PSMA6: variants seen among roughly 807,000 people sequenced by gnomAD.
PSMA6 encodes proteasome subunit alpha type-6.
For synonymous variants in PSMA6, 88 were observed against 97.7 expected, an observed-to-expected ratio of 0.90 and a Z score of 0.59; for missense variants, 170 against 294.8, an observed-to-expected ratio of 0.58 and a Z score of 3.10.
At chr14:35,312,519 A>G (rs986552170) in intron 4 of PSMA6, among the ~76,000 whole-genome samples, 16 of 67,118 alleles carry the variant, frequency 2.4e-4, no homozygotes, top group African/African-American at 4.9e-4. Flanking sequence ...AAAAAAAAAA[A>G]AAAAAAAAAA....
At chr14:35,310,954 G>A (rs925076442) in intron 4 of PSMA6, 59 bp downstream of exon 4, 2 of 1,512,052 alleles carry the variant, frequency 1.3e-6, no homozygotes, top group Admixed American at 1.9e-5. Context: ...TACAGAACAT[G>A]TATACAGAAT....
At chr14:35,282,486 C>T (rs1245224334) in intron 1 of PSMA6, among the ~76,000 whole-genome samples, 1 of 152,110 alleles carries the variant, frequency 6.6e-6, no homozygotes, top group Non-Finnish European at 1.5e-5. Flanking sequence ...GTCCTGAACT[C>T]CTGGCCTCAA....
intron 1 of PSMA6, among the ~76,000 whole-genome samples, chr14:35,305,439 G>T (rs2051804567): frequency 6.6e-6 from 1 of 152,168 alleles, no homozygotes; most frequent in Admixed American, 6.5e-5. Context: ...CCCAGCTGAG[G>T]ATTTCCTTTA....
intron 1 of PSMA6, among the ~76,000 whole-genome samples, chr14:35,296,418 C>T (rs1166228039): frequency 6.6e-6 from 1 of 152,128 alleles, no homozygotes; most frequent in African/African-American, 2.4e-5. Context: ...GCAACCTCTG[C>T]CTTCTGGGTT....
intron 1 of PSMA6, chr14:35,293,332 A>G (rs1566551883): frequency 8.5e-6 from 2 of 235,900 alleles, no homozygotes; most frequent in East Asian, 2.4e-4. Context: ...ACTATCAGTT[A>G]CTCGGAATAG....
intron 1 of PSMA6, among the ~76,000 whole-genome samples, chr14:35,284,933 C>G (rs142666262): frequency 3.9e-4 from 59 of 152,266 alleles, no homozygotes; most frequent in African/African-American, 1.4e-3. Flanking sequence ...GTTTCAGTGC[C>G]TAAATCTGCT....
chr14:35,304,693 C>T (rs1002173193), intron 1 of PSMA6, among the ~76,000 whole-genome samples: 10 of 149,624 alleles, frequency 6.7e-5, no homozygotes, highest in Non-Finnish European at 1.0e-4. Context: ...CACCACTGCA[C>T]TCCAACCTGG....
chr14:35,285,356 A>AAAC (rs1555335398), intron 1 of PSMA6, among the ~76,000 whole-genome samples: 22 of 6,800 alleles, frequency 3.2e-3, no homozygotes, highest in Non-Finnish European at 0.025. Flanking sequence ...AACAAAAAAC[A>AAAC]AAAAAAAAAA....
chr14:35,304,299 G>A (rs1282214332), intron 1 of PSMA6, among the ~76,000 whole-genome samples: 1 of 152,100 alleles, frequency 6.6e-6, no homozygotes, highest in Non-Finnish European at 1.5e-5. Context: ...CAAGTATACA[G>A]GAGGATATAC....
chr14:35,307,540 C>T (rs1159987561), intron 1 of PSMA6, among the ~76,000 whole-genome samples: 2 of 152,062 alleles, frequency 1.3e-5, no homozygotes, highest in African/African-American at 4.8e-5. Flanking sequence ...TCAAGACTAG[C>T]CTGGCCAACA....
Position 35,285,354 on chromosome 14 carries a change from AC to A in PSMA6, c.19+6637del, listed in dbSNP as rs1427096722. Among the ~76,000 whole-genome samples the A allele has an allele frequency of 2.0e-3, 86 of 42,194 alleles. 2 individuals carry two copies. Among genetic ancestry groups the A allele is most frequent in the African/African-American group, 3.6e-3 (80 of 22,434 alleles). 27.7% of individuals were successfully genotyped at this position (42,194 alleles called of 152,430 possible). ...AACTCTATCTCAAAAAAAACAAAAA[AC>A]AAAAAAAAAAACCGTAGCACACTCT... On this transcript the variant is annotated intron_variant, in intron 1 of 6. Transcript: ENST00000540871.
chr14:35,304,726 CAAA>C (rs34824477), intron 1 of PSMA6, among the ~76,000 whole-genome samples: 2 of 124,086 alleles, frequency 1.6e-5, no homozygotes. Flanking sequence ...AACTCCATCT[CAAA>C]AAAAAAAAAA....
chr14:35,312,200 A>T (rs1478826303), intron 4 of PSMA6, among the ~76,000 whole-genome samples: 10 of 9,768 alleles, frequency 1.0e-3, no homozygotes, highest in Non-Finnish European at 1.2e-3. Flanking sequence ...CTCGTCTCCT[A>T]AAAAAAAAAA....
chr14:35,314,820 T>C (rs1192292731), intron 6 of PSMA6: 1 of 155,444 alleles, frequency 6.4e-6, no homozygotes, highest in Non-Finnish European at 1.4e-5. Context: ...AGAACTTTGG[T>C]TATTTAGTGG....
intron 1 of PSMA6, among the ~76,000 whole-genome samples, chr14:35,279,111 G>A (rs569141354): frequency 2.6e-5 from 4 of 152,026 alleles, no homozygotes; most frequent in South Asian, 2.1e-4. Context: ...GCAGTGGCGC[G>A]ATCTCGGCTC....
At chr14:35,284,457 C>T (rs1240866615) in intron 1 of PSMA6, among the ~76,000 whole-genome samples, 6 of 152,230 alleles carry the variant, frequency 3.9e-5, no homozygotes, top group South Asian at 2.1e-4. Context: ...TTGTGTATTA[C>T]GGACTACCTC....
intron 1 of PSMA6, among the ~76,000 whole-genome samples, chr14:35,293,531 TAAG>T (rs2051528237): frequency 1.3e-5 from 2 of 152,186 alleles, no homozygotes; most frequent in African/African-American, 4.8e-5. Flanking sequence ...CTTGGAATCA[TAAG>T]GAGAGAGTTG....
At chr14:35,284,631 C>A (rs186655343) in intron 1 of PSMA6, among the ~76,000 whole-genome samples, 179 of 152,208 alleles carry the variant, frequency 1.2e-3, no homozygotes, top group Non-Finnish European at 1.8e-3. Flanking sequence ...AAAATATCTT[C>A]CTGATTTTTA....
upstream of PSMA6, among the ~76,000 whole-genome samples, chr14:35,292,073 G>A (rs17536948): frequency 0.058 from 8,791 of 152,280 alleles, 334 homozygotes; most frequent in Middle Eastern, 0.11. Flanking sequence ...ATGCATGTAA[G>A]AGACTTGTTA....
Sources: gnomAD v4.1 joint callset for allele counts (sites outside exome capture counted in the v4.1 genomes callset) on GRCh38, gnomAD v4.1.1 for gene constraint, MANE v1.5 for transcripts, NCBI Gene and HGNC (gene_info 2026-07-23, HGNC 2026-07-21) for gene names.